Variants in PCDH15 observed in about 807,000 individuals in gnomAD.
The protein encoded by PCDH15 is protocadherin related 15.
Under a neutral mutation model 178.5 loss-of-function variants are expected in PCDH15, and 129 were observed. The observed-to-expected ratio is 0.72, with a 90% CI of 0.63 to 0.84. PCDH15 has a LOEUF of 0.84. Ranked by LOEUF, PCDH15 falls within the 40% of genes least tolerant of loss-of-function variation. The pLI is 0.00. For synonymous variants in PCDH15, 800 were observed against 732.0 expected (o/e 1.09, Z -1.50); for missense variants, 2,230 against 2,099.9 (o/e 1.06, Z -1.21).
intron 8 of PCDH15, among the ~76,000 whole-genome samples, chr10:54,298,229 G>T (rs2059919865): frequency 6.6e-6 from 1 of 152,142 alleles, no homozygotes; most frequent in African/African-American, 2.4e-5. Context: ...AGGGTCTATT[G>T]ATCCTAAAAG....
chr10:55,188,533 T>A (rs896259622), intron 1 of PCDH15, among the ~76,000 whole-genome samples: 1 of 151,976 alleles, frequency 6.6e-6, no homozygotes, highest in Non-Finnish European at 1.5e-5. Context: ...CCTCACTCTT[T>A]CTCTACTGGA....
intron 10 of PCDH15, among the ~76,000 whole-genome samples, chr10:54,211,477 T>A (rs1426994303): frequency 1.3e-5 from 2 of 152,162 alleles, no homozygotes; most frequent in Non-Finnish European, 2.9e-5. Flanking sequence ...TTCCATTTTG[T>A]CTTCCAAGTT....
At chr10:55,525,544 T>G (rs535034430) in intron 2 of PCDH15, among the ~76,000 whole-genome samples, 1 of 152,014 alleles carries the variant, frequency 6.6e-6, no homozygotes, top group South Asian at 2.1e-4. Context: ...TCCTAAATTT[T>G]TAAAGTATTT....
In PCDH15 at chr10:53,806,356, G is replaced by GTTA. The variant is rs1841154986; in HGVS notation, c.*220_*222dup. On this transcript the variant is annotated 3_prime_UTR_variant, in exon 38 of 38. Transcript: ENST00000644397. ...AAACAGCTAAATGTTTAAACGATAG[G>GTTA]TTATTTAGTGAAAGTATGTCCAAAA... 1.0e-5 allele frequency: 5 copies of GTTA among 477,892 alleles called. No individual in the cohort carries two copies. Among genetic ancestry groups the GTTA allele is most frequent in the Non-Finnish European group, 1.1e-5 (3 of 273,094 alleles). 29.6% of individuals were successfully genotyped at this position (477,892 alleles called of 1,614,324 possible). A position where few individuals can be genotyped will look rare whatever the true frequency, so the allele number is the denominator to read the frequency against.
intron 8 of PCDH15, among the ~76,000 whole-genome samples, chr10:54,281,935 A>G (rs892323756): frequency 2.0e-5 from 3 of 152,118 alleles, no homozygotes; most frequent in African/African-American, 4.8e-5. Context: ...TGAAGGTAAT[A>G]AAAGCTACAA....
At chr10:54,199,410 G>T (rs1196691904) in intron 10 of PCDH15, among the ~76,000 whole-genome samples, 2 of 151,892 alleles carry the variant, frequency 1.3e-5, no homozygotes, top group Non-Finnish European at 2.9e-5. Flanking sequence ...TTTTTAAGAG[G>T]CTACACAGGA....
At chr10:54,511,108 A>C (rs1020302865) in intron 3 of PCDH15, among the ~76,000 whole-genome samples, 1 of 152,172 alleles carries the variant, frequency 6.6e-6, no homozygotes, top group Non-Finnish European at 1.5e-5. Flanking sequence ...GAATACATTG[A>C]TGTCAATTTG....
At chr10:55,617,658 T>C (rs1446413196) in intron 2 of PCDH15, among the ~76,000 whole-genome samples, 1 of 152,002 alleles carries the variant, frequency 6.6e-6, no homozygotes, top group Non-Finnish European at 1.5e-5. Context: ...TATCTTAGAG[T>C]GAAATCACCT....
At chr10:54,461,307 C>T (rs771079785) in intron 3 of PCDH15, among the ~76,000 whole-genome samples, 101 of 152,048 alleles carry the variant, frequency 6.6e-4, no homozygotes, top group Non-Finnish European at 1.2e-3. Context: ...GCACAATAGC[C>T]TATCTTTCAT....
At chr10:54,836,784 T>G (rs931176035) in intron 3 of PCDH15, among the ~76,000 whole-genome samples, 1 of 152,090 alleles carries the variant, frequency 6.6e-6, no homozygotes, top group African/African-American at 2.4e-5. Context: ...ATTGCAGAAC[T>G]AATAAGTAAC....
intron 3 of PCDH15, among the ~76,000 whole-genome samples, chr10:54,806,980 G>A (rs1310280788): frequency 6.6e-6 from 1 of 152,146 alleles, no homozygotes; most frequent in Non-Finnish European, 1.5e-5. Context: ...GTAATCGCAG[G>A]ACTGATATCC....
intron 2 of PCDH15, among the ~76,000 whole-genome samples, chr10:54,542,022 G>C (rs1282184708): frequency 6.6e-6 from 1 of 152,002 alleles, no homozygotes; most frequent in Admixed American, 6.5e-5. Context: ...ATTAATTTTT[G>C]AAACAAAAAT....
chr10:55,216,478 G>A (rs1840705566), intron 1 of PCDH15, among the ~76,000 whole-genome samples: 1 of 151,742 alleles, frequency 6.6e-6, no homozygotes, highest in Admixed American at 6.6e-5. Context: ...GACTTGTCAA[G>A]GAGTACAAAG....
intron 3 of PCDH15, among the ~76,000 whole-genome samples, chr10:54,491,420 T>C (rs2079580369): frequency 6.6e-6 from 1 of 152,110 alleles, no homozygotes; most frequent in African/African-American, 2.4e-5. Flanking sequence ...GATAGCTTTT[T>C]CAAGTATCTA....
chr10:54,545,892 C>A (rs1051407826), intron 2 of PCDH15, among the ~76,000 whole-genome samples: 5 of 152,180 alleles, frequency 3.3e-5, no homozygotes, highest in Admixed American at 3.3e-4. Context: ...GACTCATTTG[C>A]GGATAGGGTC....
intron 13 of PCDH15, among the ~76,000 whole-genome samples, chr10:54,161,078 T>A (rs1318524294): frequency 1.3e-5 from 2 of 152,146 alleles, no homozygotes; most frequent in African/African-American, 4.8e-5. Flanking sequence ...GTATATATAT[T>A]TACATTTCCA....
intron 2 of PCDH15, among the ~76,000 whole-genome samples, chr10:55,076,198 A>C (rs1328866782): frequency 6.6e-6 from 1 of 152,180 alleles, no homozygotes; most frequent in African/African-American, 2.4e-5. Flanking sequence ...AGAAGAATGT[A>C]TATTTTGCAG....
intron 32 of PCDH15, among the ~76,000 whole-genome samples, chr10:53,826,729 A>G (rs2076705319): frequency 6.6e-6 from 1 of 152,114 alleles, no homozygotes; most frequent in African/African-American, 2.4e-5. Flanking sequence ...TGATTTTTTA[A>G]ATAGTGACTA....
chr10:55,028,363 C>T lies in PCDH15; in HGVS notation c.-79-130863G>A, dbSNP rs1257134445. Among the ~76,000 whole-genome samples, 3 of 151,754 alleles carry T rather than the reference C, an allele frequency of 2.0e-5. No homozygotes were observed. In the East Asian group the frequency reaches 5.8e-4, roughly 29 times the overall value. Reference sequence around the variant, plus strand: ...AAAATTTCAAAGGATGAATGACTCTCAATAAGAATACCGTCTGAGCTCAAC... The same window carrying T: ...AAAATTTCAAAGGATGAATGACTCTTAATAAGAATACCGTCTGAGCTCAAC... On this transcript the variant is annotated intron_variant, in intron 2 of 5. Transcript: ENST00000458638.
Sources: gnomAD v4.1 joint callset for allele counts (sites outside exome capture counted in the v4.1 genomes callset) on GRCh38, gnomAD v4.1.1 for gene constraint, MANE v1.5 for transcripts, NCBI Gene and HGNC (gene_info 2026-07-23, HGNC 2026-07-21) for gene names.